Variants in CLTB observed in about 807,000 individuals in gnomAD.
CLTB encodes the protein clathrin, light chain (Lcb).
In CLTB, 10 loss-of-function variants were observed where a neutral mutation model predicts 30.5. The ratio of observed to expected loss-of-function variants is 0.33; its 90% CI spans 0.20 to 0.56. The LOEUF is 0.56. Among genes scored for constraint, CLTB ranks in the 20% least tolerant of loss-of-function variants. The probability of loss-of-function intolerance (pLI) is 0.91; values close to 1 mark genes in which losing one functional copy is unlikely to be tolerated. For missense variants in CLTB, 261 were observed against 308.3 expected (o/e 0.85, Z 1.15); for synonymous variants, 102 against 120.3 (o/e 0.85, Z 1.00).
Position 176,416,428 on chromosome 5 carries a change from G to C in CLTB, c.-65C>G. ...TCTGCCCGCGCCTGCCCCGCGCTGC[G>C]TCCGGCGGCCGCGACGCTGTCACCC... is the stretch of plus-strand genomic sequence containing the variant. On this transcript the variant is annotated 5_prime_UTR_variant, in exon 1 of 6. Coordinates refer to ENST00000310418, the MANE Select transcript of CLTB (RefSeq NM_007097.5). The C allele has an allele frequency of 7.5e-7, 1 of 1,340,086 alleles. No individual in the cohort carries two copies. Among genetic ancestry groups the C allele is most frequent in the Non-Finnish European group, 9.6e-7 (1 of 1,039,054 alleles). 83.0% of individuals were successfully genotyped at this position (1,340,086 alleles called of 1,614,324 possible).
At position 176,416,443 on chromosome 5, in the gene CLTB, C is replaced by G. The variant is rs1183550184; in HGVS notation, c.-80G>C. 2.5e-6 allele frequency: 3 copies of G among 1,216,442 alleles called. No homozygotes were observed. The highest frequency in any genetic ancestry group is 3.1e-6 in the Non-Finnish European group (3 of 967,178). The allele number at this position is 1,216,442 out of a possible 1,614,324, so 75.4% of individuals were successfully genotyped here. Reference sequence around the variant, plus strand: ...CCCGCGCTGCGTCCGGCGGCCGCGACGCTGTCACCCGAGCCGCGGGGGAGC... The same window carrying G: ...CCCGCGCTGCGTCCGGCGGCCGCGAGGCTGTCACCCGAGCCGCGGGGGAGC... On this transcript the variant is annotated 5_prime_UTR_variant, in exon 1 of 6. Transcript: ENST00000310418.
At position 176,400,335 on chromosome 5, in the gene CLTB, T is replaced by G. The variant is rs556997104; in HGVS notation, c.235-2288A>C. On this transcript the variant is annotated intron_variant, in intron 2 of 5. Transcript: ENST00000310418. ...TGGTGTGGAGTGATGGCTCAGTGAATAGTAGCTAGAATTACTACTATTATT... is the reference window on the plus strand; with the variant it reads ...TGGTGTGGAGTGATGGCTCAGTGAAGAGTAGCTAGAATTACTACTATTATT... Among the ~76,000 whole-genome samples, 14 of 152,334 alleles carry G rather than the reference T, an allele frequency of 9.2e-5. No homozygotes were observed. The South Asian group carries it at 2.9e-3, about 32-fold the overall frequency.
At chr5:176,407,133 C>A (rs1757167288) in intron 2 of CLTB, among the ~76,000 whole-genome samples, 1 of 152,136 alleles carries the variant, frequency 6.6e-6, no homozygotes, top group African/African-American at 2.4e-5. Context: ...TCAGATTCAC[C>A]CACAGCTCAC....
intron 2 of CLTB, chr5:176,406,794 TC>T: frequency 9.3e-7 from 1 of 1,070,122 alleles, no homozygotes. Context: ...AGGTTTCTCC[TC>T]CCCCTGCAGG....
intron 2 of CLTB, chr5:176,406,745 T>G: frequency 9.5e-6 from 12 of 1,265,736 alleles, no homozygotes; most frequent in South Asian, 1.3e-5. Flanking sequence ...ACAAAAGCTC[T>G]GTCTGGGATC....
In CLTB at chr5:176,392,513, C is replaced by G; in HGVS notation, c.*261G>C. On this transcript the variant is annotated 3_prime_UTR_variant, in exon 6 of 6. Transcript: ENST00000310418. The surrounding 1 kb of genome is among the most constrained non-coding windows in gnomAD (Gnocchi z 5.2). ...AGTGTAAAAAGAGTCAACAACACAC[C>G]CTTTAAGCCAAGAAAAAAAATACAT... 4.1e-6 allele frequency: 2 copies of G among 489,454 alleles called. No individual in the cohort carries two copies. Among genetic ancestry groups the G allele is most frequent in the East Asian group, 3.1e-5 (1 of 31,800 alleles). 30.3% of individuals were successfully genotyped at this position (489,454 alleles called of 1,614,324 possible).
intron 2 of CLTB, among the ~76,000 whole-genome samples, chr5:176,406,898 C>T (rs1050321478): frequency 2.0e-5 from 3 of 152,182 alleles, no homozygotes; most frequent in Non-Finnish European, 2.9e-5. Flanking sequence ...GCAACAGAGT[C>T]GTAATGCAAA....
Position 176,416,358 on chromosome 5 carries a change from A to C in CLTB, c.6T>G (p.Ala2=). The change falls in exon 1 of 6, where the codon GCT becomes GCG. Residue 2 remains alanine (A), a synonymous_variant. Transcript: ENST00000310418. ...ACGACGAGAAGAAGCCAAAGTCATCAGCCATTTTCCCCGCGCCTCCGCCGG... is the reference window on the plus strand; with the variant it reads ...ACGACGAGAAGAAGCCAAAGTCATCCGCCATTTTCCCCGCGCCTCCGCCGG... M[A]DDFGFFSSSE... 1 of 1,590,662 alleles carries C rather than the reference A, an allele frequency of 6.3e-7. No individual in the cohort carries two copies. Among genetic ancestry groups the C allele is most frequent in the Non-Finnish European group, 8.5e-7 (1 of 1,171,636 alleles).
At position 176,416,295 on chromosome 5, in the gene CLTB, C is replaced by G. The variant is rs757532979; in HGVS notation, c.69G>C (p.Pro23=). The G allele has an allele frequency of 6.2e-7, 1 of 1,605,572 alleles. No individual in the cohort carries two copies. The highest frequency in any genetic ancestry group is 8.5e-7 in the Non-Finnish European group (1 of 1,177,356). The change falls in exon 1 of 6, where the codon CCG becomes CCC. Residue 23 remains proline (P), a synonymous_variant. Transcript: ENST00000310418. ...CCTGCTGGGCCAGGAAGGCGGCCGC[C>G]GGGTCCTCCTCCGCCGCCTCCGGGG... ...SGAPEAAEED[P]AAAFLAQQES... is the part of the protein sequence containing the mutation.
At position 176,411,443 on chromosome 5, in the gene CLTB, G is replaced by C. The variant is rs1278479265; in HGVS notation, c.188-1140C>G. On this transcript the variant is annotated intron_variant, in intron 1 of 5. Transcript: ENST00000310418. The stretch of plus-strand genomic sequence containing the variant: ...TGCTGTTCCCTCTGCCTGGAAGGCT[G>C]CTCCCTCACTCCCTTCAGCTTCTGC... 2.0e-5 allele frequency among the ~76,000 whole-genome samples: 3 copies of C among 152,312 alleles called. No individual in the cohort carries two copies. In the East Asian group the frequency reaches 5.8e-4, roughly 29 times the overall value.
chr5:176,395,709 G>A (rs954249068), intron 5 of CLTB, among the ~76,000 whole-genome samples: 1 of 152,226 alleles, frequency 6.6e-6, no homozygotes, highest in Non-Finnish European at 1.5e-5. Flanking sequence ...GGGGCCTGTG[G>A]TGGTCTGGGC....
At chr5:176,392,476 T>G, downstream of CLTB, 1 of 320,606 alleles carries the variant, frequency 3.1e-6, no homozygotes, top group Non-Finnish European at 5.8e-6. The surrounding 1 kb of genome is among the most constrained non-coding windows in gnomAD (Gnocchi z 5.2). Flanking sequence ...GAAGTGAGAA[T>G]GATAATAAAT....
rs371030271 is a variant in CLTB, at chr5:176,410,313, G to C, written c.188-10C>G. 57 of 1,613,062 alleles carry C rather than the reference G, an allele frequency of 3.5e-5. No homozygotes were observed. The African/African-American group carries it at 5.3e-4, about 15-fold the overall frequency. Reference sequence around the variant, plus strand: ...ATGTCCTCAGAACCAGCTGGAAAGAGAACAAGGAGATAGCATTACTCACTG... The same window carrying C: ...ATGTCCTCAGAACCAGCTGGAAAGACAACAAGGAGATAGCATTACTCACTG... On this transcript the variant is annotated splice_polypyrimidine_tract_variant and intron_variant, in intron 1 of 5. Coordinates refer to ENST00000310418, the MANE Select transcript of CLTB (RefSeq NM_007097.5).
intron 1 of CLTB, among the ~76,000 whole-genome samples, chr5:176,413,097 C>T (rs1012992133): frequency 3.3e-5 from 5 of 152,140 alleles, no homozygotes; most frequent in Admixed American, 2.6e-4. Flanking sequence ...CCTTAAGAGT[C>T]CACACACACC....
chr5:176,405,681 G>A (rs777681003), intron 2 of CLTB: 17 of 152,098 alleles, frequency 1.1e-4, no homozygotes, highest in Admixed American at 9.2e-4. Flanking sequence ...TAAACAAGTA[G>A]CTGGGTACAC....
At chr5:176,411,315 C>G (rs1343424113) in intron 1 of CLTB, among the ~76,000 whole-genome samples, 1 of 152,178 alleles carries the variant, frequency 6.6e-6, no homozygotes, top group African/African-American at 2.4e-5. Flanking sequence ...ACCTGTGCCT[C>G]TCCTCTGACT....
chr5:176,406,228 A>G, intron 2 of CLTB: 1 of 1,006,438 alleles, frequency 9.9e-7, no homozygotes, highest in Non-Finnish European at 1.2e-6. Flanking sequence ...CAGCGGCTAG[A>G]GCAATGTTCT....
chr5:176,412,955 C>T (rs1757522377), intron 1 of CLTB, among the ~76,000 whole-genome samples: 1 of 152,128 alleles, frequency 6.6e-6, no homozygotes, highest in African/African-American at 2.4e-5. Context: ...TTTGCACCAC[C>T]CTACTCCGCC....
chr5:176,410,381 C>A, intron 1 of CLTB, 78 bp from the exon 2 acceptor site: 1 of 1,213,586 alleles, frequency 8.2e-7, no homozygotes, highest in East Asian at 2.4e-5. Context: ...ATTAGCCCCT[C>A]AACCCAAACT....
Sources: gnomAD v4.1 joint callset for allele counts (sites outside exome capture counted in the v4.1 genomes callset) on GRCh38, gnomAD v4.1.1 for gene constraint, Gnocchi (gnomAD v3.1) non-coding constraint, MANE v1.5 for transcripts, NCBI Gene and HGNC (gene_info 2026-07-23, HGNC 2026-07-21) for gene names.